The following FNIP2 variants were observed in gnomAD, a reference collection of about 807,000 sequenced individuals.
The protein encoded by FNIP2 is folliculin interacting protein 2.
In FNIP2, 32 loss-of-function variants were observed where a neutral mutation model predicts 108.7. That is an observed-to-expected ratio of 0.29 (90% CI 0.22 to 0.40). The LOEUF is 0.40. FNIP2 is among the 10% of genes least tolerant of loss of function. The probability of loss-of-function intolerance (pLI) is 1.00; values close to 1 mark genes in which losing one functional copy is unlikely to be tolerated. For synonymous variants in FNIP2, 480 were observed against 496.7 expected (o/e 0.97, Z 0.45); for missense variants, 1,202 against 1,381.6 (o/e 0.87, Z 2.06).
Position 158,868,933 on chromosome 4 carries a change from G to A in FNIP2, c.2297G>A (p.Ser766Asn), listed in dbSNP as rs760765139. ...GCTCAGGACCCGCAGGTTTCTAGGA[G>A]CCCTTTTAAACCTGGCTTTCAGGAG... is the stretch of plus-strand genomic sequence containing the variant. ...DVAQDPQVSR[S>N]PFKPGFQENV... The change falls in exon 13 of 17, where the codon AGC (serine) becomes AAC (asparagine). Residue 766 changes from serine to asparagine, a missense_variant. Ser to Asn is a conservative substitution (Grantham distance 46). Around this residue, in one of 5 missense-constraint regions of FNIP2, gnomAD observed 878 missense variants for 990.3 expected, o/e 0.89. Transcript: ENST00000264433. The surrounding 1 kb of genome is among the most constrained non-coding windows in gnomAD (Gnocchi z 4.6). The A allele has an allele frequency of 6.2e-7, 1 of 1,613,964 alleles. No homozygotes were observed. Among genetic ancestry groups the A allele is most frequent in the East Asian group, 2.2e-5 (1 of 44,886 alleles).
At chr4:158,870,546 A>G in intron 14 of FNIP2, 77 bp downstream of exon 14, 1 of 1,511,994 alleles carries the variant, frequency 6.6e-7, no homozygotes, top group Non-Finnish European at 9.0e-7. Flanking sequence ...AGGTGTTTAG[A>G]CTGAAGAGAG....
At chr4:158,867,950 G>A (rs912630770) in intron 12 of FNIP2, among the ~76,000 whole-genome samples, 152 bp from the exon 13 acceptor site, 5 of 152,326 alleles carry the variant, frequency 3.3e-5, no homozygotes, top group Middle Eastern at 3.4e-3. Context: ...AAACTAAAAC[G>A]TGGTCCTTAC....
chr4:158,899,185 C>T (rs527841956), intron 16 of FNIP2, among the ~76,000 whole-genome samples: 3 of 152,200 alleles, frequency 2.0e-5, no homozygotes, highest in East Asian at 3.9e-4. Context: ...GTCTTGCATC[C>T]CAGGGATGAA....
rs1225661640 is a variant in FNIP2, at chr4:158,769,207, G to T, written c.-6G>T. The T allele has an allele frequency of 1.4e-6, 2 of 1,406,728 alleles. No homozygotes were observed. The highest frequency in any genetic ancestry group is 1.9e-6 in the Non-Finnish European group (2 of 1,071,582). The allele number at this position is 1,406,728 out of a possible 1,614,324, so 87.1% of individuals were successfully genotyped here. ...GCGCCACGGCCGGAGCTGCGGCGGC[G>T]GCATCATGGCCCCGACCCTGCTCCA... On this transcript the variant is annotated 5_prime_UTR_variant, in exon 1 of 17. Coordinates refer to ENST00000264433, the MANE Select transcript of FNIP2 (RefSeq NM_020840.3).
At chr4:158,782,158 C>G (rs1776071987) in intron 1 of FNIP2, among the ~76,000 whole-genome samples, 1 of 152,034 alleles carries the variant, frequency 6.6e-6, no homozygotes, top group Non-Finnish European at 1.5e-5. Context: ...AGGTGGAGTT[C>G]CTGCTCTGAA....
At chr4:158,821,207 A>C (rs552109746) in intron 1 of FNIP2, among the ~76,000 whole-genome samples, 2 of 152,252 alleles carry the variant, frequency 1.3e-5, no homozygotes, top group Non-Finnish European at 2.9e-5. Context: ...TTACAATAAG[A>C]AAAGGTAGAC....
chr4:158,907,495 T>C lies in FNIP2; in HGVS notation c.*2951T>C, dbSNP rs1729941427. ...CGTTGTTTGGGCTCTTATAATTAGGTCCTGAGATTTTATAAAAATTTAGTC... is the reference window on the plus strand; with the variant it reads ...CGTTGTTTGGGCTCTTATAATTAGGCCCTGAGATTTTATAAAAATTTAGTC... On this transcript the variant is annotated 3_prime_UTR_variant, in exon 17 of 17. Transcript: ENST00000264433. The C allele has an allele frequency of 6.6e-6, 1 of 152,198 alleles. No homozygotes were observed. The highest frequency in any genetic ancestry group is 1.5e-5 in the Non-Finnish European group (1 of 68,046). 9.4% of individuals were successfully genotyped at this position (152,198 alleles called of 1,614,324 possible).
intron 1 of FNIP2, among the ~76,000 whole-genome samples, chr4:158,821,211 G>T (rs1045334124): frequency 6.6e-6 from 1 of 152,176 alleles, no homozygotes; most frequent in African/African-American, 2.4e-5. Flanking sequence ...AATAAGAAAA[G>T]GTAGACAAAT....
intron 14 of FNIP2, among the ~76,000 whole-genome samples, chr4:158,875,788 C>T (rs1048707245): frequency 6.6e-6 from 1 of 152,064 alleles, no homozygotes; most frequent in Non-Finnish European, 1.5e-5. Context: ...GGCAGTGCCT[C>T]AGGCCTCTAG....
intron 7 of FNIP2, among the ~76,000 whole-genome samples, chr4:158,845,376 A>G (rs1228590535): frequency 1.3e-5 from 2 of 152,190 alleles, no homozygotes; most frequent in Admixed American, 6.5e-5. Context: ...TTCCAAAGGT[A>G]GTGAATCAAC....
chr4:158,871,326 A>G (rs1780935243), intron 14 of FNIP2: 1 of 929,458 alleles, frequency 1.1e-6, no homozygotes, highest in African/African-American at 1.8e-5. Context: ...AACATTTTGT[A>G]TCTTGTGCAA....
rs771600882 is a variant in FNIP2 at position 158,861,439 on chromosome 4, C to T, written c.1246C>T (p.Arg416Cys). Residue 416 changes from arginine to cysteine, a missense_variant, in exon 11 of 17, where the codon CGC becomes TGC. Physicochemically the swap from Arg to Cys is radical, Grantham distance 180 (BLOSUM62 -3). This residue lies in a region of FNIP2 where 878 missense variants were observed against 990.3 expected (regional missense o/e 0.89). Transcript: ENST00000264433. ...GTLEKNQLCQ[R>C]FLKEFTLLIE... The stretch of plus-strand genomic sequence containing the variant: ...TTTGGAAAAAAACCAGCTCTGCCAG[C>T]GCTTTCTCAAGGAGTTTACACTTCT... The T allele has an allele frequency of 4.6e-5, 75 of 1,613,892 alleles. No homozygotes were observed. Among genetic ancestry groups the T allele is most frequent in the South Asian group, 9.9e-5 (9 of 91,090 alleles).
intron 1 of FNIP2, among the ~76,000 whole-genome samples, chr4:158,812,123 C>G (rs1229620447): frequency 6.6e-6 from 1 of 152,114 alleles, no homozygotes; most frequent in Non-Finnish European, 1.5e-5. Flanking sequence ...AGGTCACTGC[C>G]CCTAATATCT....
intron 1 of FNIP2, among the ~76,000 whole-genome samples, chr4:158,773,328 G>A (rs962116895): frequency 6.6e-6 from 1 of 152,158 alleles, no homozygotes; most frequent in Admixed American, 6.5e-5. Context: ...CAGAGGTGAA[G>A]AAGGGAACCC....
intron 16 of FNIP2, among the ~76,000 whole-genome samples, chr4:158,901,952 A>G (rs549765656): frequency 4.6e-5 from 7 of 151,704 alleles, no homozygotes; most frequent in Non-Finnish European, 8.8e-5. Context: ...AGCTCAGAGG[A>G]GTTTGTTATT....
At chr4:158,830,249 T>TA (rs1778397111) in intron 3 of FNIP2, among the ~76,000 whole-genome samples, 1 of 3,010 alleles carries the variant, frequency 3.3e-4, no homozygotes, top group Non-Finnish European at 1.0e-3. Context: ...TTTATCTTTC[T>TA]TTTTTTTTTT....
intron 16 of FNIP2, among the ~76,000 whole-genome samples, chr4:158,898,220 G>A (rs575649164): frequency 1.1e-4 from 17 of 152,090 alleles, no homozygotes; most frequent in East Asian, 5.8e-4. Flanking sequence ...TACCAATACC[G>A]TGCTGTTTTG....
chr4:158,870,725 C>A (rs182563861), intron 14 of FNIP2, among the ~76,000 whole-genome samples: 1 of 152,326 alleles, frequency 6.6e-6, no homozygotes, highest in East Asian at 1.9e-4. Context: ...TAAGCCAGGA[C>A]GAGGGGCGGC....
intron 1 of FNIP2, among the ~76,000 whole-genome samples, chr4:158,776,675 G>A (rs547368263): frequency 1.1e-4 from 16 of 152,158 alleles, no homozygotes; most frequent in South Asian, 2.1e-4. Context: ...ACAAGAAAAC[G>A]TACATGTGAT....
Sources: gnomAD v4.1 joint callset for allele counts (sites outside exome capture counted in the v4.1 genomes callset) on GRCh38, gnomAD v4.1.1 for gene constraint, gnomAD v4.1.1 regional missense constraint, Gnocchi (gnomAD v3.1) non-coding constraint, MANE v1.5 for transcripts, NCBI Gene and HGNC (gene_info 2026-07-23, HGNC 2026-07-21) for gene names.